The following SNRPA variants were observed in gnomAD, a reference collection of about 807,000 sequenced individuals.
SNRPA encodes small nuclear ribonucleoprotein polypeptide A.
A neutral mutation model predicts 24.5 loss-of-function variants in SNRPA; 10 were observed. That is an observed-to-expected ratio of 0.41 (90% confidence interval 0.25 to 0.69). The LOEUF (loss-of-function observed/expected upper bound fraction) is 0.69. Among genes scored for constraint, SNRPA ranks in the 30% least tolerant of loss-of-function variants. The pLI is 0.33. For synonymous variants in SNRPA, 165 were observed against 148.4 expected (o/e 1.11, Z -0.81); for missense variants, 283 against 394.7 (o/e 0.72, Z 2.40).
At position 40,759,610 on chromosome 19, in the gene SNRPA, G is replaced by A. The variant is rs572892523; in HGVS notation, c.426G>A (p.Pro142=). Residue 142 remains proline (P), a splice_region_variant and synonymous_variant, in exon 3 of 6, where the codon CCG becomes CCA. Transcript: ENST00000243563. ...TGGGGGCTGTCCAGGGGCCTGTCCC[G>A]GTAAGCCAGGTCCCGGAGACCAACC... ...PVVGAVQGPV[P]GMPPMTQAPR... is the part of the protein sequence containing the mutation. 278 of 1,594,502 alleles carry A rather than the reference G, an allele frequency of 1.7e-4. 2 individuals carry two copies. In the South Asian group the frequency reaches 2.8e-3, roughly 16 times the overall value.
intron 5 of SNRPA, 79 bp downstream of exon 5, chr19:40,763,754 C>G: frequency 8.3e-7 from 1 of 1,198,412 alleles, no homozygotes; most frequent in Non-Finnish European, 1.2e-6. Flanking sequence ...CCTCAGAACT[C>G]TGCCAGCAGA....
At position 40,765,214 on chromosome 19, in the gene SNRPA, C is replaced by T; in HGVS notation, c.*47C>T. 3 of 1,367,462 alleles carry T rather than the reference C, an allele frequency of 2.2e-6. No homozygotes were observed. The highest frequency in any genetic ancestry group is 2.9e-6 in the Non-Finnish European group (3 of 1,035,772). 84.7% of individuals were successfully genotyped at this position (1,367,462 alleles called of 1,614,324 possible). On this transcript the variant is annotated 3_prime_UTR_variant, in exon 6 of 6. Coordinates refer to ENST00000243563, the MANE Select transcript of SNRPA (RefSeq NM_004596.5). Reference sequence around the variant, plus strand: ...CCCCTTCCCCTGTTCTGGGGCCACCCCTTTCCCCCTTGGCTCAGCCCCCTG... The same window carrying T: ...CCCCTTCCCCTGTTCTGGGGCCACCTCTTTCCCCCTTGGCTCAGCCCCCTG...
Position 40,765,172 on chromosome 19 carries a change from T to C in SNRPA, c.*5T>C. ...ATCTCCTTTGCCAAGAAGTAGCACC[T>C]TTTCCCCCCATGCCTGCCCCTTCCC... On this transcript the variant is annotated 3_prime_UTR_variant, in exon 6 of 6. Transcript: ENST00000243563. The C allele has an allele frequency of 1.3e-6, 2 of 1,514,932 alleles. No individual in the cohort carries two copies. The highest frequency in any genetic ancestry group is 1.8e-6 in the Non-Finnish European group (2 of 1,127,556). 93.8% of individuals were successfully genotyped at this position (1,514,932 alleles called of 1,614,324 possible).
In SNRPA at chr19:40,753,382, ATGTTTTT is replaced by A. The variant is rs1390990345; in HGVS notation, c.73+1903_73+1909del. ...AAAATCAGGAGTGTAAATTTTGCAT[ATGTTTTT>A]TTTTTTTTTTTTTTTTTTTTTTTTT... On this transcript the variant is annotated intron_variant, in intron 1 of 5. Transcript: ENST00000243563. Among the ~76,000 whole-genome samples, 12 of 62,212 alleles carry A rather than the reference ATGTTTTT, an allele frequency of 1.9e-4. 1 individual carries two copies. The highest frequency in any genetic ancestry group is 6.6e-4 in the African/African-American group (12 of 18,306). The allele number at this position is 62,212 out of a possible 152,430, so 40.8% of individuals were successfully genotyped here.
chr19:40,753,414 T>TTTTTTTTTG (rs2082894085), intron 1 of SNRPA, among the ~76,000 whole-genome samples: 1 of 57,328 alleles, frequency 1.7e-5, no homozygotes, highest in African/African-American at 6.1e-5. Flanking sequence ...TTTTTTTTTT[T>TTTTTTTTTG]GAGGCAGAGT....
Position 40,757,230 on chromosome 19 carries a change from C to T in SNRPA, c.74-102C>T, listed in dbSNP as rs539277915. 3.5e-5 allele frequency: 40 copies of T among 1,129,178 alleles called. 1 individual carries two copies. Among genetic ancestry groups the T allele is most frequent in the East Asian group, 3.1e-4 (13 of 41,674 alleles). The allele number at this position is 1,129,178 out of a possible 1,614,324, so 69.9% of individuals were successfully genotyped here. A position where few individuals can be genotyped will look rare whatever the true frequency, so the allele number is the denominator to read the frequency against. On this transcript the variant is annotated intron_variant, in intron 1 of 5. Coordinates refer to ENST00000243563, the MANE Select transcript of SNRPA (RefSeq NM_004596.5). Reference sequence around the variant, plus strand: ...GTTAGGTCTTGAGAGATTATGGACCCGAGGCATTCTGGGTACCCCATCAAT... The same window carrying T: ...GTTAGGTCTTGAGAGATTATGGACCTGAGGCATTCTGGGTACCCCATCAAT...
At chr19:40,755,164 C>T (rs927764703) in intron 1 of SNRPA, among the ~76,000 whole-genome samples, 2 of 151,620 alleles carry the variant, frequency 1.3e-5, no homozygotes, top group African/African-American at 4.9e-5. Flanking sequence ...GTAACTTTTG[C>T]CTCTCTGGTT....
rs1171829828 is a variant in SNRPA at position 40,753,382 on chromosome 19, ATGTTTTTTTTTT to A, written c.73+1903_73+1914del. Among the ~76,000 whole-genome samples the A allele has an allele frequency of 7.1e-4, 44 of 62,212 alleles. 1 individual carries two copies. The highest frequency in any genetic ancestry group is 2.2e-3 in the African/African-American group (41 of 18,306). 40.8% of individuals were successfully genotyped at this position (62,212 alleles called of 152,430 possible). On this transcript the variant is annotated intron_variant, in intron 1 of 5. Coordinates refer to ENST00000243563, the MANE Select transcript of SNRPA (RefSeq NM_004596.5). The stretch of plus-strand genomic sequence containing the variant: ...AAAATCAGGAGTGTAAATTTTGCAT[ATGTTTTTTTTTT>A]TTTTTTTTTTTTTTTTTTTTGAGGC...
At position 40,757,285 on chromosome 19, in the gene SNRPA, T is replaced by G. The variant is rs1207785087; in HGVS notation, c.74-47T>G. ...TGATGGTCTTCTATTTGGGCTGCGC[T>G]TCTTCTAAAAAGGGGAGCTCAAAGG... On this transcript the variant is annotated intron_variant, in intron 1 of 5. Coordinates refer to ENST00000243563, the MANE Select transcript of SNRPA (RefSeq NM_004596.5). 5 of 1,598,134 alleles carry G rather than the reference T, an allele frequency of 3.1e-6. No individual in the cohort carries two copies. In the East Asian group the frequency reaches 6.7e-5, roughly 21 times the overall value.
intron 1 of SNRPA, among the ~76,000 whole-genome samples, chr19:40,754,743 G>A (rs2082901246): frequency 1.3e-5 from 2 of 152,106 alleles, no homozygotes; most frequent in Admixed American, 6.6e-5. Context: ...GTGAGGTGTT[G>A]GACTTTGCCC....
chr19:40,759,874 C>T (rs549663674), intron 3 of SNRPA, among the ~76,000 whole-genome samples: 10 of 152,228 alleles, frequency 6.6e-5, no homozygotes, highest in African/African-American at 1.4e-4. Flanking sequence ...TCGCTCTCTC[C>T]GTGGCCTTGA....
intron 1 of SNRPA, among the ~76,000 whole-genome samples, chr19:40,752,579 CAAAAAAAAAAAAAAA>C (rs59705765): frequency 3.3e-5 from 2 of 61,280 alleles, no homozygotes; most frequent in African/African-American, 1.3e-4. Flanking sequence ...CTTTTCTCTA[CAAAAAAAAAAAAAAA>C]AAAAAAAAAG....
chr19:40,751,674 A>C (rs2082866219), intron 1 of SNRPA, 193 bp downstream of exon 1: 1 of 574,782 alleles, frequency 1.7e-6, no homozygotes, highest in African/African-American at 1.9e-5. Context: ...TAACGTGGTC[A>C]CTGCTGCTCA....
At chr19:40,761,921 C>G (rs2082934688) in intron 3 of SNRPA, among the ~76,000 whole-genome samples, 1 of 152,174 alleles carries the variant, frequency 6.6e-6, no homozygotes. Context: ...CCTTAGGTCT[C>G]TGAGCCTCCG....
At chr19:40,751,579 C>A (rs1388967230) in intron 1 of SNRPA, 98 bp downstream of exon 1, 4 of 929,142 alleles carry the variant, frequency 4.3e-6, no homozygotes, top group Non-Finnish European at 7.1e-6. Context: ...GTTTGTCCAG[C>A]CAAACTTCGA....
rs1308017008 is a variant in SNRPA, at chr19:40,753,382, ATGTTTT to A, written c.73+1903_73+1908del. Among the ~76,000 whole-genome samples, 175 of 62,208 alleles carry A rather than the reference ATGTTTT, an allele frequency of 2.8e-3. 7 individuals carry two copies. Among genetic ancestry groups the A allele is most frequent in the African/African-American group, 9.2e-3 (169 of 18,302 alleles). The allele number at this position is 62,208 out of a possible 152,430, so 40.8% of individuals were successfully genotyped here. ...AAAATCAGGAGTGTAAATTTTGCAT[ATGTTTT>A]TTTTTTTTTTTTTTTTTTTTTTTTT... On this transcript the variant is annotated intron_variant, in intron 1 of 5. Transcript: ENST00000243563.
In SNRPA at chr19:40,765,195, C is replaced by T. The variant is rs749556625; in HGVS notation, c.*28C>T. 8 of 1,474,058 alleles carry T rather than the reference C, an allele frequency of 5.4e-6. No individual in the cohort carries two copies. Among genetic ancestry groups the T allele is most frequent in the African/African-American group, 1.4e-5 (1 of 69,618 alleles). The allele number at this position is 1,474,058 out of a possible 1,614,324, so 91.3% of individuals were successfully genotyped here. On this transcript the variant is annotated 3_prime_UTR_variant, in exon 6 of 6. Coordinates refer to ENST00000243563, the MANE Select transcript of SNRPA (RefSeq NM_004596.5). ...CCTTTTCCCCCCATGCCTGCCCCTT[C>T]CCCTGTTCTGGGGCCACCCCTTTCC...
chr19:40,761,607 C>T (rs752594810), intron 3 of SNRPA, among the ~76,000 whole-genome samples: 6 of 151,570 alleles, frequency 4.0e-5, no homozygotes, highest in Admixed American at 6.6e-5. Flanking sequence ...TCTGGGACTA[C>T]AGGCATGTGC....
intron 1 of SNRPA, among the ~76,000 whole-genome samples, chr19:40,755,778 T>C (rs1490041948): frequency 6.6e-6 from 1 of 152,214 alleles, no homozygotes; most frequent in Non-Finnish European, 1.5e-5. Flanking sequence ...TGCTGTCAAG[T>C]GATGCCCTTT....
Sources: allele counts gnomAD v4.1 joint callset (sites outside exome capture counted in the v4.1 genomes callset), GRCh38; gene constraint gnomAD v4.1.1; transcripts MANE v1.5; gene names NCBI Gene and HGNC (gene_info 2026-07-23, HGNC 2026-07-21).